TBC1D12: variants seen among roughly 807,000 people sequenced by gnomAD.
The protein encoded by TBC1D12 is TBC1 domain family member 12.
In TBC1D12, 56 loss-of-function variants were observed where a neutral mutation model predicts 86.7. The ratio of observed to expected loss-of-function variants is 0.65; its 90% CI spans 0.52 to 0.81. The LOEUF is 0.81. Among genes scored for constraint, TBC1D12 ranks in the 30% least tolerant of loss-of-function variants. TBC1D12 has a pLI of 0.00. For missense variants in TBC1D12, 1,023 were observed against 1,038.8 expected (o/e 0.98, Z 0.21); for synonymous variants, 421 against 411.7 (o/e 1.02, Z -0.27).
chr10:94,463,313 A>T (rs2055757294), intron 2 of TBC1D12, among the ~76,000 whole-genome samples: 1 of 152,228 alleles, frequency 6.6e-6, no homozygotes, highest in Non-Finnish European at 1.5e-5. Context: ...GTTACAGAGG[A>T]TGAAAAGTCC....
intron 7 of TBC1D12, among the ~76,000 whole-genome samples, chr10:94,507,935 TG>T (rs2056481307): frequency 6.6e-6 from 1 of 152,084 alleles, no homozygotes; most frequent in Admixed American, 6.6e-5. Flanking sequence ...TACAGTGAGC[TG>T]AGATCACGCC....
At chr10:94,522,320 T>C (rs755313620) in intron 10 of TBC1D12, 24 bp from the exon 11 acceptor site, 7 of 1,255,692 alleles carry the variant, frequency 5.6e-6, no homozygotes, top group South Asian at 2.9e-5. Flanking sequence ...ACTTTCATAA[T>C]TTTATTGATT....
intron 2 of TBC1D12, among the ~76,000 whole-genome samples, chr10:94,463,563 C>G (rs146846645): frequency 6.6e-5 from 10 of 152,330 alleles, no homozygotes; most frequent in African/African-American, 2.2e-4. Flanking sequence ...CTCCCCCACC[C>G]CTGCCCAGTA....
intron 2 of TBC1D12, among the ~76,000 whole-genome samples, chr10:94,461,844 A>G (rs924108120): frequency 9.8e-5 from 15 of 152,304 alleles, no homozygotes; most frequent in Admixed American, 4.6e-4. Flanking sequence ...TGGTGAATCT[A>G]AGAATAATTA....
intron 11 of TBC1D12, among the ~76,000 whole-genome samples, chr10:94,525,141 C>T (rs1009477447): frequency 2.2e-4 from 34 of 152,050 alleles, no homozygotes; most frequent in African/African-American, 7.7e-4. Flanking sequence ...ACTGATTTTA[C>T]TGAAGAGGAA....
At position 94,478,872 on chromosome 10, in the gene TBC1D12, G is replaced by A. The variant is rs543681201; in HGVS notation, c.1211+4089G>A. On this transcript the variant is annotated intron_variant, in intron 3 of 12. Coordinates refer to ENST00000225235, the MANE Select transcript of TBC1D12 (RefSeq NM_015188.2). ...CTCAGGAGGCTGAGGCAGGAGAATC[G>A]CTTGAACACGGAAGGTGGAGGTTGC... 3.3e-5 allele frequency among the ~76,000 whole-genome samples: 5 copies of A among 152,190 alleles called. No homozygotes were observed. In the East Asian group the frequency reaches 5.8e-4, roughly 18 times the overall value.
chr10:94,486,736 G>T (rs1564971749), intron 3 of TBC1D12, among the ~76,000 whole-genome samples: 1 of 152,090 alleles, frequency 6.6e-6, no homozygotes, highest in African/African-American at 2.4e-5. Context: ...GCAACATGTG[G>T]TCTATCCTTG....
chr10:94,514,389 A>C (rs2056564157), intron 9 of TBC1D12, among the ~76,000 whole-genome samples: 4 of 152,148 alleles, frequency 2.6e-5, no homozygotes, highest in Admixed American at 2.0e-4. Flanking sequence ...CCTCCTTTCT[A>C]ACTGGAGCTT....
chr10:94,473,488 T>G (rs72814672), intron 2 of TBC1D12, among the ~76,000 whole-genome samples: 1 of 152,296 alleles, frequency 6.6e-6, no homozygotes, highest in Non-Finnish European at 1.5e-5. Flanking sequence ...GGAAAAGATG[T>G]AACAATAGTA....
chr10:94,447,072 A>C (rs528635469), intron 2 of TBC1D12, among the ~76,000 whole-genome samples: 14 of 151,886 alleles, frequency 9.2e-5, no homozygotes, highest in South Asian at 2.1e-4. Flanking sequence ...AAAAAAAAAA[A>C]AAAACCTTTT....
At chr10:94,448,848 A>G (rs768610443) in intron 2 of TBC1D12, among the ~76,000 whole-genome samples, 29 of 152,280 alleles carry the variant, frequency 1.9e-4, no homozygotes, top group Middle Eastern at 3.4e-3. Flanking sequence ...ATCTGTTATC[A>G]CCTTGAAAAG....
At position 94,402,955 on chromosome 10, in the gene TBC1D12, C is replaced by T; in HGVS notation, c.342C>T (p.Gly114=). 1 of 1,570,964 alleles carries T rather than the reference C, an allele frequency of 6.4e-7. No individual in the cohort carries two copies. Among genetic ancestry groups the T allele is most frequent in the Non-Finnish European group, 8.6e-7 (1 of 1,163,544 alleles). ...PRSDACLLGS[G]SKHRGAEVAD... Reference sequence around the variant, plus strand: ...CGGACGCCTGCCTGCTGGGCTCGGGCTCCAAACACCGCGGCGCGGAGGTGG... The same window carrying T: ...CGGACGCCTGCCTGCTGGGCTCGGGTTCCAAACACCGCGGCGCGGAGGTGG... Residue 114 remains glycine, a synonymous_variant, in exon 1 of 13, where the codon GGC becomes GGT. Coordinates refer to ENST00000225235, the MANE Select transcript of TBC1D12 (RefSeq NM_015188.2).
chr10:94,476,121 C>A (rs1376047703), intron 3 of TBC1D12, among the ~76,000 whole-genome samples: 1 of 151,904 alleles, frequency 6.6e-6, no homozygotes, highest in East Asian at 1.9e-4. Flanking sequence ...TTCTTTCTCT[C>A]TCTCTCTTTT....
At chr10:94,413,361 T>G (rs1418680819) in intron 1 of TBC1D12, among the ~76,000 whole-genome samples, 2 of 152,234 alleles carry the variant, frequency 1.3e-5, no homozygotes, top group African/African-American at 4.8e-5. Flanking sequence ...ACTTGTAAGA[T>G]TTTCCTCAGG....
intron 2 of TBC1D12, among the ~76,000 whole-genome samples, chr10:94,447,879 G>C (rs1441734813): frequency 6.7e-6 from 1 of 148,570 alleles, no homozygotes; most frequent in African/African-American, 2.5e-5. Context: ...TTGCATACTA[G>C]ATTGAATATG....
chr10:94,433,789 A>G (rs1485735339), intron 1 of TBC1D12, among the ~76,000 whole-genome samples: 3 of 152,188 alleles, frequency 2.0e-5, no homozygotes, highest in Non-Finnish European at 2.9e-5. Context: ...GTTAAAAAAT[A>G]TGCTTAAGCC....
In TBC1D12 at chr10:94,403,344, A is replaced by T; in HGVS notation, c.731A>T (p.Glu244Val). 3.9e-6 allele frequency: 6 copies of T among 1,523,122 alleles called. No individual in the cohort carries two copies. The highest frequency in any genetic ancestry group is 5.3e-6 in the Non-Finnish European group (6 of 1,136,110). 94.4% of individuals were successfully genotyped at this position (1,523,122 alleles called of 1,614,324 possible). ...EQRGVGAGGP[E>V]EGAPPATSAE... ...CGGGGAGTCGGCGCCGGGGGTCCCG[A>T]GGAGGGCGCGCCCCCTGCCACCTCG... Residue 244 changes from glutamate (E) to valine (V), a missense_variant, in exon 1 of 13, where the codon GAG becomes GTG. Transcript: ENST00000225235.
At chr10:94,480,544 CTGCTCGCCT>C (rs2056062357) in intron 3 of TBC1D12, among the ~76,000 whole-genome samples, 1 of 151,974 alleles carries the variant, frequency 6.6e-6, no homozygotes, top group Non-Finnish European at 1.5e-5. Flanking sequence ...TATGGTAATT[CTGCTCGCCT>C]TGCTTTAATG....
intron 2 of TBC1D12, among the ~76,000 whole-genome samples, chr10:94,456,712 A>C (rs1180418448): frequency 6.6e-6 from 1 of 152,208 alleles, no homozygotes; most frequent in African/African-American, 2.4e-5. Context: ...TTGTTAAGCT[A>C]TGTCCTTACT....
Sources: gnomAD v4.1 joint callset for allele counts (sites outside exome capture counted in the v4.1 genomes callset) on GRCh38, gnomAD v4.1.1 for gene constraint, MANE v1.5 for transcripts, NCBI Gene and HGNC (gene_info 2026-07-23, HGNC 2026-07-21) for gene names.